Variants in LAMA4 observed in about 807,000 individuals in gnomAD.
LAMA4 encodes the protein laminin subunit alpha 4.
Under a neutral mutation model 207.1 loss-of-function variants are expected in LAMA4, and 127 were observed. The observed-to-expected ratio is 0.61, with a 90% CI of 0.53 to 0.71. The LOEUF (loss-of-function observed/expected upper bound fraction) is 0.71, where lower values mean the gene tolerates loss of function less well. Ranked by LOEUF, LAMA4 falls within the 30% of genes least tolerant of loss-of-function variation. The pLI is 0.00. For synonymous variants in LAMA4, 761 were observed against 816.0 expected (o/e 0.93, Z 1.15); for missense variants, 2,093 against 2,246.5 (o/e 0.93, Z 1.38).
rs1195381679 is a variant in LAMA4 at position 112,108,581 on chromosome 6, AT to A, written c.*855del. On this transcript the variant is annotated 3_prime_UTR_variant, in exon 39 of 39. Transcript: ENST00000230538. ...ACTACAGGTGTATGCCCATGTACAA[AT>A]TTTTTTGCAGAGATGGGATCTCATT... 4.6e-5 allele frequency among the ~76,000 whole-genome samples: 7 copies of A among 152,046 alleles called. No individual in the cohort carries two copies. Among genetic ancestry groups the A allele is most frequent in the African/African-American group, 1.2e-4 (5 of 41,386 alleles).
At chr6:112,157,981 A>G (rs1260954756) in intron 14 of LAMA4, 2 of 152,208 alleles carry the variant, frequency 1.3e-5, no homozygotes, top group Non-Finnish European at 2.9e-5. Flanking sequence ...TATATTTTGA[A>G]CAGAAGTTAA....
intron 9 of LAMA4, chr6:112,179,943 T>C (rs782288578): frequency 1.9e-6 from 1 of 532,660 alleles, no homozygotes; most frequent in East Asian, 5.5e-5. Flanking sequence ...CTTGGCTTGT[T>C]CCAGTGCTTT....
In LAMA4 at chr6:112,141,060, A is replaced by G. The variant is rs1779662164; in HGVS notation, c.2814-138T>C. 11 of 772,274 alleles carry G rather than the reference A, an allele frequency of 1.4e-5. No homozygotes were observed. The South Asian group carries it at 1.6e-4, about 11-fold the overall frequency. 47.8% of individuals were successfully genotyped at this position (772,274 alleles called of 1,614,324 possible). A position where few individuals can be genotyped will look rare whatever the true frequency, so the allele number is the denominator to read the frequency against. ...TAAGCATTTACAAAATACCACAATC[A>G]ATGAGAAAGAGAAGAAAGACATTCC... is the stretch of plus-strand genomic sequence containing the variant. On this transcript the variant is annotated intron_variant, in intron 21 of 38. Transcript: ENST00000230538.
chr6:112,248,925 G>A (rs756587785), intron 2 of LAMA4, among the ~76,000 whole-genome samples: 1 of 152,306 alleles, frequency 6.6e-6, no homozygotes, highest in African/African-American at 2.4e-5. Flanking sequence ...TCTGTAAAAT[G>A]GGTATAATTT....
chr6:112,158,393 T>G (rs1184454425), intron 14 of LAMA4: 1 of 330,704 alleles, frequency 3.0e-6, no homozygotes, highest in East Asian at 7.7e-5. Context: ...GTTTTATACA[T>G]TGTCTTTGGT....
At chr6:112,194,526 G>A (rs1188614124) in intron 5 of LAMA4, among the ~76,000 whole-genome samples, 1 of 152,134 alleles carries the variant, frequency 6.6e-6, no homozygotes, top group Non-Finnish European at 1.5e-5. Context: ...GGACCCTATG[G>A]ATTTAACAAA....
chr6:112,181,927 T>A (rs1469855086), intron 9 of LAMA4, among the ~76,000 whole-genome samples: 1 of 151,926 alleles, frequency 6.6e-6, no homozygotes, highest in Non-Finnish European at 1.5e-5. Flanking sequence ...TGAAGCCCCA[T>A]CTCTACTAAA....
intron 11 of LAMA4, 23 bp from the exon 12 acceptor site, chr6:112,172,827 G>T (rs1554342441): frequency 6.3e-7 from 1 of 1,596,444 alleles, no homozygotes; most frequent in Non-Finnish European, 8.6e-7. Context: ...GGAGATAAAG[G>T]CTCAGTGTGG....
rs1786240045 is a variant in LAMA4 at position 112,239,724 on chromosome 6, G to A, written c.195+14232C>T. Among the ~76,000 whole-genome samples, 5 of 152,246 alleles carry A rather than the reference G, an allele frequency of 3.3e-5. No homozygotes were observed. The Middle Eastern group carries it at 0.01, about 311-fold the overall frequency. ...AATAACTCACTATTTCAGACAAATTGTTTTATATAGTGCTTAAAGGAGTTA... is the reference window on the plus strand; with the variant it reads ...AATAACTCACTATTTCAGACAAATTATTTTATATAGTGCTTAAAGGAGTTA... On this transcript the variant is annotated intron_variant, in intron 2 of 38. Transcript: ENST00000230538.
chr6:112,183,521 G>A (rs114899260), intron 9 of LAMA4, among the ~76,000 whole-genome samples: 1 of 152,054 alleles, frequency 6.6e-6, no homozygotes, highest in Non-Finnish European at 1.5e-5. Context: ...TCCTCTCCAC[G>A]AAAGCCTGCA....
chr6:112,211,391 G>C (rs558692229), intron 3 of LAMA4, among the ~76,000 whole-genome samples: 1 of 152,118 alleles, frequency 6.6e-6, no homozygotes, highest in African/African-American at 2.4e-5. Context: ...AAAGATTTTT[G>C]CATTTAGGGT....
chr6:112,117,904 G>A lies in LAMA4; in HGVS notation c.4822-6C>T. 1.9e-6 allele frequency: 3 copies of A among 1,612,416 alleles called. No individual in the cohort carries two copies. Among genetic ancestry groups the A allele is most frequent in the African/African-American group, 1.3e-5 (1 of 74,944 alleles). On this transcript the variant is annotated splice_region_variant and splice_polypyrimidine_tract_variant and intron_variant, in intron 34 of 38. Transcript: ENST00000230538. The surrounding 1 kb of genome is among the most constrained non-coding windows in gnomAD (Gnocchi z 4.5). ...AAACTGTAGATGGAGTTAATCTGAG[G>A]GAAGAAGATATTTCTTAAAATCAAT... is the stretch of plus-strand genomic sequence containing the variant.
At chr6:112,212,573 C>A (rs782355593) in intron 3 of LAMA4, among the ~76,000 whole-genome samples, 1 of 152,160 alleles carries the variant, frequency 6.6e-6, no homozygotes, top group Non-Finnish European at 1.5e-5. Context: ...CAGGGGACTC[C>A]ATTGAGCTGT....
Position 112,140,938 on chromosome 6 carries a change from A to G in LAMA4, c.2814-16T>C. On this transcript the variant is annotated splice_polypyrimidine_tract_variant and intron_variant, in intron 21 of 38. Coordinates refer to ENST00000230538, the MANE Select transcript of LAMA4 (RefSeq NM_001105206.3). Reference sequence around the variant, plus strand: ...TTTTCCCACCCTATTGAGATAAATAATTTTCACTTGTTATTATATAATTCA... The same window carrying G: ...TTTTCCCACCCTATTGAGATAAATAGTTTTCACTTGTTATTATATAATTCA... 1 of 1,599,422 alleles carries G rather than the reference A, an allele frequency of 6.3e-7. No homozygotes were observed.
chr6:112,249,608 C>A (rs1206423882), intron 2 of LAMA4, among the ~76,000 whole-genome samples: 5 of 152,092 alleles, frequency 3.3e-5, no homozygotes, highest in African/African-American at 1.2e-4. Context: ...GGGGCCTGGG[C>A]AAATGCTCTG....
At chr6:112,111,150 G>A (rs80171836) in intron 38 of LAMA4, among the ~76,000 whole-genome samples, 196 of 152,100 alleles carry the variant, frequency 1.3e-3, no homozygotes, top group East Asian at 0.013. Context: ...AAGCGATTCC[G>A]CTGCCTCAGC....
intron 38 of LAMA4, among the ~76,000 whole-genome samples, chr6:112,110,421 A>C (rs953712427): frequency 1.3e-5 from 2 of 152,234 alleles, no homozygotes; most frequent in Non-Finnish European, 2.9e-5. Context: ...TAATTCAGGA[A>C]AGAACATAGA....
chr6:112,235,908 T>C (rs1350721314), intron 2 of LAMA4, among the ~76,000 whole-genome samples: 2 of 152,138 alleles, frequency 1.3e-5, no homozygotes, highest in East Asian at 1.9e-4. Flanking sequence ...AAATTCAAAA[T>C]TGAGATAAAT....
intron 31 of LAMA4, 105 bp from the exon 32 acceptor site, chr6:112,122,306 G>A (rs940408661): frequency 4.8e-5 from 42 of 877,822 alleles, no homozygotes; most frequent in Non-Finnish European, 7.0e-5. Context: ...TATATTATTT[G>A]TGCATTTTCC....
Sources: gnomAD v4.1 joint callset for allele counts (sites outside exome capture counted in the v4.1 genomes callset) on GRCh38, gnomAD v4.1.1 for gene constraint, Gnocchi (gnomAD v3.1) non-coding constraint, MANE v1.5 for transcripts, NCBI Gene and HGNC (gene_info 2026-07-23, HGNC 2026-07-21) for gene names.